GALNT14: variants seen among roughly 807,000 people sequenced by gnomAD.
GALNT14 encodes the protein polypeptide N-acetylgalactosaminyltransferase 14, also known as UDP-GalNAc:polypeptide N-acetylgalactosaminyltransferase 14.
Under a neutral mutation model 77.5 loss-of-function variants are expected in GALNT14, and 60 were observed. The observed-to-expected ratio is 0.77, with a 90% CI of 0.63 to 0.96. The LOEUF is 0.96. GALNT14 is among the 40% of genes least tolerant of loss of function. GALNT14 has a pLI of 0.00. For synonymous variants in GALNT14, 280 were observed against 281.7 expected, an observed-to-expected ratio of 0.99 and a Z score of 0.06; for missense variants, 710 against 731.0, an observed-to-expected ratio of 0.97 and a Z score of 0.33.
chr2:31,066,013 G>C (rs901376404), intron 1 of GALNT14, among the ~76,000 whole-genome samples: 2 of 152,212 alleles, frequency 1.3e-5, no homozygotes, highest in African/African-American at 4.8e-5. Flanking sequence ...GTGTGACCTA[G>C]AGCAAGTGGC....
At chr2:31,070,038 C>T (rs1328600733) in intron 1 of GALNT14, among the ~76,000 whole-genome samples, 1 of 152,150 alleles carries the variant, frequency 6.6e-6, no homozygotes, top group South Asian at 2.1e-4. Flanking sequence ...TACCCCCACC[C>T]TCCGAGTCCC....
At chr2:31,060,060 A>G (rs1323440660) in intron 1 of GALNT14, among the ~76,000 whole-genome samples, 2 of 152,180 alleles carry the variant, frequency 1.3e-5, no homozygotes, top group Non-Finnish European at 2.9e-5. Context: ...ACAGTCATTA[A>G]TTCCTATAAT....
At chr2:31,120,936 T>C (rs1054219199) in intron 1 of GALNT14, among the ~76,000 whole-genome samples, 3 of 152,250 alleles carry the variant, frequency 2.0e-5, no homozygotes, top group Non-Finnish European at 4.4e-5. Context: ...TTAGGACCAT[T>C]CCTGGTTTAG....
intron 1 of GALNT14, among the ~76,000 whole-genome samples, chr2:31,024,108 C>G (rs1056336826): frequency 6.6e-6 from 1 of 152,010 alleles, no homozygotes; most frequent in South Asian, 2.1e-4. Flanking sequence ...AAGGCATCAC[C>G]CTTGACTCCT....
intron 1 of GALNT14, among the ~76,000 whole-genome samples, chr2:31,084,161 A>G (rs1676296245): frequency 6.6e-6 from 1 of 152,120 alleles, no homozygotes; most frequent in Admixed American, 6.5e-5. Context: ...TACTTCCTCC[A>G]ATTTTATCCT....
In GALNT14 at chr2:30,910,940, G is replaced by A; in HGVS notation, c.1620C>T (p.Ser540=). Residue 540 remains serine, a synonymous_variant, in exon 15 of 15, where the codon TCC becomes TCT. Transcript: ENST00000349752. ...GKEIVVNPCE[S]SLMSQHWDMV... ...TGTCCCAGTGCTGGCTCATGAGTGA[G>A]GACTCACATGGGTTGACGACGATTT... is the stretch of plus-strand genomic sequence containing the variant. 6.2e-7 allele frequency: 1 copy of A among 1,613,872 alleles called. No homozygotes were observed. Among genetic ancestry groups the A allele is most frequent in the Non-Finnish European group, 8.5e-7 (1 of 1,179,992 alleles).
chr2:31,093,520 G>A (rs566699832), intron 1 of GALNT14, among the ~76,000 whole-genome samples: 1 of 152,294 alleles, frequency 6.6e-6, no homozygotes, highest in African/African-American at 2.4e-5. Flanking sequence ...ATGTCCCCTT[G>A]AGAGGCAGTG....
chr2:31,053,620 A>AT (rs989954346), intron 1 of GALNT14, among the ~76,000 whole-genome samples: 1 of 152,072 alleles, frequency 6.6e-6, no homozygotes, highest in African/African-American at 2.4e-5. Context: ...CATCTGCTCC[A>AT]TTTTTTAGCC....
intron 6 of GALNT14, among the ~76,000 whole-genome samples, chr2:30,948,393 C>T (rs1666829733): frequency 6.6e-6 from 1 of 152,208 alleles, no homozygotes; most frequent in African/African-American, 2.4e-5. Context: ...GTGGGCTACA[C>T]CAGATAATCT....
At chr2:31,109,660 C>T (rs1677739011) in intron 1 of GALNT14, among the ~76,000 whole-genome samples, 1 of 152,138 alleles carries the variant, frequency 6.6e-6, no homozygotes, top group South Asian at 2.1e-4. Flanking sequence ...GTAATGGACG[C>T]GATGTGGTAC....
intron 1 of GALNT14, among the ~76,000 whole-genome samples, chr2:31,088,454 C>T (rs1000157518): frequency 1.3e-5 from 2 of 152,080 alleles, no homozygotes; most frequent in African/African-American, 2.4e-5. Context: ...TTGGGCTTGG[C>T]GTCTCGTGGT....
chr2:30,956,932 G>T (rs1667406241), intron 4 of GALNT14, among the ~76,000 whole-genome samples: 1 of 152,150 alleles, frequency 6.6e-6, no homozygotes, highest in South Asian at 2.1e-4. Flanking sequence ...ACCTGCTTTT[G>T]GAAGGGTCCC....
At chr2:31,045,423 C>T (rs78604845) in intron 1 of GALNT14, among the ~76,000 whole-genome samples, 4,385 of 152,102 alleles carry the variant, frequency 0.029, 111 homozygotes, top group Middle Eastern at 0.058. Flanking sequence ...AAGGATGGAC[C>T]CAGGAGGAAC....
chr2:30,963,274 C>A (rs1424129129), intron 3 of GALNT14, among the ~76,000 whole-genome samples: 1 of 152,194 alleles, frequency 6.6e-6, no homozygotes, highest in African/African-American at 2.4e-5. Context: ...AGAGGAGCCG[C>A]GCTGTACCTC....
intron 1 of GALNT14, among the ~76,000 whole-genome samples, chr2:31,014,479 T>G (rs974862015): frequency 1.3e-5 from 2 of 152,112 alleles, no homozygotes. Flanking sequence ...AACTGAAGAC[T>G]GAAGGAAAAG....
intron 1 of GALNT14, among the ~76,000 whole-genome samples, chr2:31,032,585 C>G (rs1284026305): frequency 1.3e-5 from 2 of 152,102 alleles, no homozygotes; most frequent in Non-Finnish European, 2.9e-5. Flanking sequence ...ACTGAGCAGC[C>G]CAGAGGTCCA....
intron 1 of GALNT14, among the ~76,000 whole-genome samples, chr2:31,078,440 T>A (rs1038601309): frequency 6.6e-6 from 1 of 152,204 alleles, no homozygotes; most frequent in Non-Finnish European, 1.5e-5. Context: ...ACCCTATTAT[T>A]GTTTTAAAGG....
chr2:31,066,835 C>A (rs553815312), intron 1 of GALNT14, among the ~76,000 whole-genome samples: 9 of 152,058 alleles, frequency 5.9e-5, no homozygotes, highest in South Asian at 2.1e-4. Context: ...CCTCCAGAAA[C>A]AGAAAGGAGA....
intron 1 of GALNT14, among the ~76,000 whole-genome samples, chr2:31,127,815 T>C (rs1678772722): frequency 6.6e-6 from 1 of 152,228 alleles, no homozygotes; most frequent in African/African-American, 2.4e-5. Context: ...TATAGAGAGT[T>C]GATCTGAGCA....
Sources: allele counts gnomAD v4.1 joint callset (sites outside exome capture counted in the v4.1 genomes callset), GRCh38; gene constraint gnomAD v4.1.1; transcripts MANE v1.5; gene names NCBI Gene and HGNC (gene_info 2026-07-23, HGNC 2026-07-21).